KLF12: variants seen among roughly 807,000 people sequenced by gnomAD.
The protein encoded by KLF12 is Krueppel-like factor 12.
A neutral mutation model predicts 37.8 loss-of-function variants in KLF12; 9 were observed. The ratio of observed to expected loss-of-function variants is 0.24; its 90% CI spans 0.14 to 0.42. The LOEUF is 0.42. Among genes scored for constraint, KLF12 ranks in the 10% least tolerant of loss-of-function variants. KLF12 has a pLI of 1.00. For missense variants in KLF12, 411 were observed against 516.0 expected (o/e 0.80, Z 1.97); for synonymous variants, 208 against 202.1 (o/e 1.03, Z -0.25).
At chr13:74,028,852 G>A (rs1447778243) in intron 1 of KLF12, among the ~76,000 whole-genome samples, 1 of 151,012 alleles carries the variant, frequency 6.6e-6, no homozygotes. Context: ...TTTTTAAAGG[G>A]GCATACCTTA....
At chr13:73,824,868 G>C (rs1358531515) in intron 4 of KLF12, among the ~76,000 whole-genome samples, 1 of 152,122 alleles carries the variant, frequency 6.6e-6, no homozygotes, top group Non-Finnish European at 1.5e-5. Flanking sequence ...AGGAGCTCGA[G>C]ACCAGCCTGG....
chr13:74,265,628 G>A, the KLF12 span, among the ~76,000 whole-genome samples: 2 of 152,204 alleles, frequency 1.3e-5, no homozygotes, highest in Admixed American at 1.3e-4. Flanking sequence ...AGAAATGTAT[G>A]ATGTTCAGGT....
chr13:73,953,586 A>T (rs530077596), intron 2 of KLF12, among the ~76,000 whole-genome samples: 2 of 152,324 alleles, frequency 1.3e-5, no homozygotes, highest in East Asian at 3.9e-4. Context: ...TTTTGTGTCA[A>T]GAGAAAATGA....
chr13:74,111,026 G>A (rs1039524626), intron 1 of KLF12, among the ~76,000 whole-genome samples: 2 of 151,798 alleles, frequency 1.3e-5, no homozygotes, highest in Non-Finnish European at 2.9e-5. Flanking sequence ...GGTGGTGGGC[G>A]CCTGTAATCC....
At chr13:74,047,292 G>A (rs1278930366) in intron 1 of KLF12, among the ~76,000 whole-genome samples, 8 of 152,000 alleles carry the variant, frequency 5.3e-5, no homozygotes, top group Non-Finnish European at 1.2e-4. Context: ...TCAGAAAAGT[G>A]CTTGCTTTAA....
chr13:73,814,099 T>C (rs1032674819), intron 4 of KLF12, among the ~76,000 whole-genome samples: 2 of 152,238 alleles, frequency 1.3e-5, no homozygotes, highest in African/African-American at 4.8e-5. Flanking sequence ...TCCTTCTCCC[T>C]GTGAAGAGAT....
chr13:74,279,320 A>G, the KLF12 span, among the ~76,000 whole-genome samples: 1 of 152,154 alleles, frequency 6.6e-6, no homozygotes, highest in African/African-American at 2.4e-5. Context: ...TTGGCCTTCT[A>G]TCCTGAATGT....
At chr13:74,134,172 G>GGTGGGGTGCT (rs1224957634), upstream of KLF12, among the ~76,000 whole-genome samples, 14 of 150,950 alleles carry the variant, frequency 9.3e-5, no homozygotes, top group Non-Finnish European at 1.8e-4. Context: ...GGTGGGGTGG[G>GGTGGGGTGCT]GTGGGGTGCT....
rs915331119 is a variant in KLF12 at position 73,686,207 on chromosome 13, T to C, written c.*9283A>G. ...GTTCACAGCTCAATTCATAGGAAAG[T>C]TGAATACAGAAAAGCAATGCACCAA... On this transcript the variant is annotated 3_prime_UTR_variant, in exon 8 of 8. Transcript: ENST00000377669. 1 of 152,586 alleles carries C rather than the reference T, an allele frequency of 6.6e-6. No individual in the cohort carries two copies. The highest frequency in any genetic ancestry group is 1.5e-5 in the Non-Finnish European group (1 of 68,018). 9.5% of individuals were successfully genotyped at this position (152,586 alleles called of 1,614,324 possible). A position where few individuals can be genotyped will look rare whatever the true frequency, so the allele number is the denominator to read the frequency against.
At chr13:74,263,918 T>C in the KLF12 span, among the ~76,000 whole-genome samples, 1,332 of 152,308 alleles carry the variant, frequency 8.7e-3, 16 homozygotes, top group African/African-American at 0.03. Context: ...GGGTGCTTTA[T>C]AGCCAGGTTT....
intron 1 of KLF12, among the ~76,000 whole-genome samples, chr13:74,091,512 A>G (rs576862987): frequency 6.6e-6 from 1 of 152,102 alleles, no homozygotes; most frequent in Non-Finnish European, 1.5e-5. Flanking sequence ...TTAATATTTC[A>G]TTTCTTTTTA....
At chr13:74,050,875 C>T (rs1872876252) in intron 1 of KLF12, among the ~76,000 whole-genome samples, 1 of 151,526 alleles carries the variant, frequency 6.6e-6, no homozygotes, top group African/African-American at 2.4e-5. Context: ...AGAAAACAGG[C>T]AAAAAAAATC....
In KLF12 at chr13:73,721,709, G is replaced by A. The variant is rs1275757091; in HGVS notation, c.870-6184C>T. Among the ~76,000 whole-genome samples the A allele has an allele frequency of 2.3e-5, 3 of 130,640 alleles. No homozygotes were observed. The East Asian group carries it at 7.4e-4, about 32-fold the overall frequency. 85.7% of individuals were successfully genotyped at this position (130,640 alleles called of 152,430 possible). ...TAGGACTACAGGTGCATGCCACCAT[G>A]CCTAGTTAATTTTTTTTTTTTTTGG... On this transcript the variant is annotated intron_variant, in intron 6 of 7. Transcript: ENST00000377669.
At chr13:73,826,058 C>T (rs977785595) in intron 4 of KLF12, among the ~76,000 whole-genome samples, 4 of 151,988 alleles carry the variant, frequency 2.6e-5, no homozygotes, top group Non-Finnish European at 4.4e-5. Context: ...CTGCAAGCTC[C>T]GCCTCCTGGG....
chr13:74,200,944 C>A, the KLF12 span, among the ~76,000 whole-genome samples: 1 of 152,182 alleles, frequency 6.6e-6, no homozygotes, highest in East Asian at 1.9e-4. Context: ...AGGTTTTATT[C>A]TATGGCACTA....
At chr13:74,283,893 T>C in the KLF12 span, among the ~76,000 whole-genome samples, 13 of 150,422 alleles carry the variant, frequency 8.6e-5, no homozygotes, top group Admixed American at 8.7e-4. Context: ...AGAGTCTTGC[T>C]CTGTCACCCA....
the KLF12 span, among the ~76,000 whole-genome samples, chr13:74,272,206 T>C: frequency 6.6e-6 from 1 of 152,226 alleles, no homozygotes; most frequent in Non-Finnish European, 1.5e-5. Flanking sequence ...CTTATACTTC[T>C]ACCAATTTAA....
intron 2 of KLF12, among the ~76,000 whole-genome samples, chr13:73,956,666 A>G (rs1890842774): frequency 6.6e-6 from 1 of 152,156 alleles, no homozygotes; most frequent in South Asian, 2.1e-4. Flanking sequence ...CACATCTGTA[A>G]TCCCAGCACC....
intron 7 of KLF12, among the ~76,000 whole-genome samples, chr13:73,697,570 G>A (rs769237915): frequency 1.1e-4 from 16 of 152,080 alleles, no homozygotes; most frequent in African/African-American, 2.7e-4. Context: ...ATGCTTTTAC[G>A]TGTTACATGT....
Sources: gnomAD v4.1 joint callset for allele counts (sites outside exome capture counted in the v4.1 genomes callset) on GRCh38, gnomAD v4.1.1 for gene constraint, MANE v1.5 for transcripts, NCBI Gene and HGNC (gene_info 2026-07-23, HGNC 2026-07-21) for gene names.